Variants in HECW1 observed in about 807,000 individuals in gnomAD.
HECW1 encodes E3 ubiquitin-protein ligase HECW1.
A neutral mutation model predicts 182.3 loss-of-function variants in HECW1; 61 were observed. That is an observed-to-expected ratio of 0.33 (90% CI 0.27 to 0.41). The LOEUF (loss-of-function observed/expected upper bound fraction) is 0.41. Among genes scored for constraint, HECW1 ranks in the 10% least tolerant of loss-of-function variants. The pLI, the probability that HECW1 is intolerant of heterozygous loss-of-function variation, is 1.00. For synonymous variants in HECW1, 859 were observed against 832.6 expected (o/e 1.03, Z -0.55); for missense variants, 1,739 against 2,108.9 (o/e 0.82, Z 3.44).
In HECW1 at chr7:43,444,792, C is replaced by A; in HGVS notation, c.1620C>A (p.Ser540=). The A allele has an allele frequency of 6.2e-7, 1 of 1,614,102 alleles. No individual in the cohort carries two copies. Among genetic ancestry groups the A allele is most frequent in the Non-Finnish European group, 8.5e-7 (1 of 1,180,034 alleles). The stretch of plus-strand genomic sequence containing the variant: ...GCAGGCCCTGCTCCTTGCCTGTGTC[C>A]GAGCTGGAGACGGTGATCGCGTCAG... ...RKSRPCSLPV[S]ELETVIASAC... The change falls in exon 11 of 30, where the codon TCC becomes TCA. Residue 540 remains serine, a synonymous_variant. Coordinates refer to ENST00000395891, the MANE Select transcript of HECW1 (RefSeq NM_015052.5). This position sits in a 1 kb window ranked among gnomAD's most constrained non-coding sequence, Gnocchi z 4.3.
At chr7:43,282,023 T>C (rs1803985840) in intron 3 of HECW1, among the ~76,000 whole-genome samples, 1 of 152,214 alleles carries the variant, frequency 6.6e-6, no homozygotes, top group Admixed American at 6.5e-5. Context: ...CATAGAGCAA[T>C]GTGACTTTAT....
intron 2 of HECW1, among the ~76,000 whole-genome samples, chr7:43,141,415 G>T (rs1224190794): frequency 6.6e-6 from 1 of 152,138 alleles, no homozygotes. Context: ...GAAGCTAGTG[G>T]TTTTCTTAGA....
At position 43,485,560 on chromosome 7, in the gene HECW1, G is replaced by C. The variant is rs907874310; in HGVS notation, c.3234+5816G>C. Among the ~76,000 whole-genome samples the C allele has an allele frequency of 2.0e-5, 3 of 152,226 alleles. No individual in the cohort carries two copies. In the South Asian group the frequency reaches 6.2e-4, roughly 32 times the overall value. On this transcript the variant is annotated intron_variant, in intron 17 of 29. Transcript: ENST00000395891. ...AGCCTACCACACACCTAGGCTGTAC[G>C]GTATGGCTATGGCTCCCAGGCTGCA... is the stretch of plus-strand genomic sequence containing the variant.
intron 2 of HECW1, among the ~76,000 whole-genome samples, chr7:43,134,922 A>T (rs750090155): frequency 2.6e-5 from 4 of 152,230 alleles, no homozygotes; most frequent in Non-Finnish European, 5.9e-5. Context: ...TAAAAAATGT[A>T]TCAGAGCATT....
intron 7 of HECW1, 67 bp from the exon 8 acceptor site, chr7:43,407,495 G>T (rs2075650590): frequency 2.5e-6 from 3 of 1,180,612 alleles, no homozygotes; most frequent in East Asian, 2.6e-5. Context: ...TGAAAGGTGT[G>T]GTTACCAAAT....
chr7:43,285,759 A>C (rs1804562704), intron 3 of HECW1, among the ~76,000 whole-genome samples: 1 of 152,058 alleles, frequency 6.6e-6, no homozygotes, highest in African/African-American at 2.4e-5. Context: ...GCACTACTTC[A>C]CTCCAGCCTG....
chr7:43,400,040 A>G (rs2075355286), intron 7 of HECW1, among the ~76,000 whole-genome samples: 1 of 152,124 alleles, frequency 6.6e-6, no homozygotes, highest in Non-Finnish European at 1.5e-5. Context: ...GTTTGAGACC[A>G]CCTGGGTAAT....
intron 6 of HECW1, among the ~76,000 whole-genome samples, chr7:43,390,191 TA>T (rs1367001553): frequency 6.6e-6 from 1 of 151,794 alleles, no homozygotes; most frequent in Non-Finnish European, 1.5e-5. Flanking sequence ...TTCAAGGTGG[TA>T]AAGAAAGCAG....
At chr7:43,532,428 A>G (rs1248656059) in intron 24 of HECW1, among the ~76,000 whole-genome samples, 2 of 152,130 alleles carry the variant, frequency 1.3e-5, no homozygotes, top group Non-Finnish European at 2.9e-5. Context: ...ACCCTACACG[A>G]AACTTCCAAT....
chr7:43,252,332 C>T (rs960569939), intron 3 of HECW1, among the ~76,000 whole-genome samples: 3 of 152,168 alleles, frequency 2.0e-5, no homozygotes, highest in Non-Finnish European at 4.4e-5. Flanking sequence ...GCTTGTGGTT[C>T]TTCTGCTGAG....
intron 6 of HECW1, among the ~76,000 whole-genome samples, chr7:43,361,229 G>A (rs1815865490): frequency 6.6e-6 from 1 of 152,200 alleles, no homozygotes. Context: ...TTAGGGAGGA[G>A]CCAAGCTTCT....
At chr7:43,225,689 A>G (rs542745520) in intron 2 of HECW1, among the ~76,000 whole-genome samples, 57 of 152,336 alleles carry the variant, frequency 3.7e-4, no homozygotes, top group African/African-American at 1.4e-3. Context: ...ATGCTACCAA[A>G]AAATTATTAA....
chr7:43,118,804 A>G (rs894471133), intron 2 of HECW1: 1 of 152,064 alleles, frequency 6.6e-6, no homozygotes, highest in Non-Finnish European at 1.5e-5. Flanking sequence ...TCCCCTCTAC[A>G]TGACCGGGCA....
chr7:43,430,743 G>A (rs1308704754), intron 8 of HECW1, among the ~76,000 whole-genome samples: 2 of 113,978 alleles, frequency 1.8e-5, no homozygotes, highest in Admixed American at 8.8e-5. Context: ...TTGGCTTTGG[G>A]GTATATCTAG....
At position 43,211,871 on chromosome 7, in the gene HECW1, G is replaced by T. The variant is rs184514459; in HGVS notation, c.-31-32004G>T. Among the ~76,000 whole-genome samples, 997 of 152,284 alleles carry T rather than the reference G, an allele frequency of 6.5e-3. 4 individuals carry two copies. The highest frequency in any genetic ancestry group is 0.012 in the Non-Finnish European group (796 of 68,026). Reference sequence around the variant, plus strand: ...GGGTGGTGTTAGAAGGGGATGCTTTGTCCTGCATGTTTGTGATGTTTGGAA... The same window carrying T: ...GGGTGGTGTTAGAAGGGGATGCTTTTTCCTGCATGTTTGTGATGTTTGGAA... On this transcript the variant is annotated intron_variant, in intron 2 of 29. Coordinates refer to ENST00000395891, the MANE Select transcript of HECW1 (RefSeq NM_015052.5).
In HECW1 at chr7:43,243,998, T is replaced by C; in HGVS notation, c.27+66T>C. 2 of 1,251,650 alleles carry C rather than the reference T, an allele frequency of 1.6e-6. No individual in the cohort carries two copies. The highest frequency in any genetic ancestry group is 1.2e-6 in the Non-Finnish European group (1 of 848,666). 77.5% of individuals were successfully genotyped at this position (1,251,650 alleles called of 1,614,324 possible). ...TTCCATTATAAACCCACTCCACTCA[T>C]AATGGAATGTGCCTCAGCCTAGGGC... On this transcript the variant is annotated intron_variant, in intron 3 of 29. Coordinates refer to ENST00000395891, the MANE Select transcript of HECW1 (RefSeq NM_015052.5). This position sits in a 1 kb window ranked among gnomAD's most constrained non-coding sequence, Gnocchi z 4.0.
chr7:43,311,548 G>A, intron 3 of HECW1: 2 of 745,134 alleles, frequency 2.7e-6, no homozygotes, highest in Non-Finnish European at 4.9e-6. Context: ...AGGACACCCT[G>A]GTGCACTTGT....
At chr7:43,436,719 G>T (rs1231033655) in intron 8 of HECW1, among the ~76,000 whole-genome samples, 1 of 152,222 alleles carries the variant, frequency 6.6e-6, no homozygotes, top group Admixed American at 6.5e-5. Flanking sequence ...GATCACAGGG[G>T]ATATGATGGC....
At position 43,248,224 on chromosome 7, in the gene HECW1, C is replaced by G. The variant is rs542356617; in HGVS notation, c.27+4292C>G. ...AGAGATCGCAGGGCTGAGGTGGAGCCCCAGGGCTCCTGACAGCAACACCCC... is the reference window on the plus strand; with the variant it reads ...AGAGATCGCAGGGCTGAGGTGGAGCGCCAGGGCTCCTGACAGCAACACCCC... On this transcript the variant is annotated intron_variant, in intron 3 of 29. Transcript: ENST00000395891. 3.7e-4 allele frequency among the ~76,000 whole-genome samples: 57 copies of G among 152,172 alleles called. 1 individual carries two copies. Among genetic ancestry groups the G allele is most frequent in the African/African-American group, 1.3e-3 (55 of 41,514 alleles).
Sources: allele counts gnomAD v4.1 joint callset (sites outside exome capture counted in the v4.1 genomes callset), GRCh38; gene constraint gnomAD v4.1.1; non-coding constraint Gnocchi (gnomAD v3.1); transcripts MANE v1.5; gene names NCBI Gene and HGNC (gene_info 2026-07-23, HGNC 2026-07-21).